The following BNC2 variants were observed in gnomAD, a reference collection of about 807,000 sequenced individuals.
The protein encoded by BNC2 is basonuclin zinc finger protein 2.
BNC2 carries 20 observed loss-of-function variants against 76.3 expected under a neutral mutation model. The observed-to-expected ratio is 0.26, with a 90% confidence interval of 0.18 to 0.38. The LOEUF (loss-of-function observed/expected upper bound fraction) is 0.38. Ranked by LOEUF, BNC2 falls within the 10% of genes least tolerant of loss-of-function variation. The pLI, the probability that BNC2 is intolerant of heterozygous loss-of-function variation, is 1.00. For synonymous variants in BNC2, 582 were observed against 514.8 expected (o/e 1.13, Z -1.77); for missense variants, 1,382 against 1,399.8 (o/e 0.99, Z 0.20).
At chr9:16,658,700 T>C (rs926493047) in intron 3 of BNC2, among the ~76,000 whole-genome samples, 2 of 152,152 alleles carry the variant, frequency 1.3e-5, no homozygotes, top group Admixed American at 1.3e-4. Context: ...ACTTGGTCTG[T>C]CTCTTAAGGA....
intron 1 of BNC2, among the ~76,000 whole-genome samples, chr9:16,772,337 GT>G (rs796744478): frequency 4.0e-5 from 6 of 151,000 alleles, no homozygotes; most frequent in South Asian, 2.1e-4. Context: ...TGTCATGAGT[GT>G]TTTTTTTTAA....
intron 1 of BNC2, among the ~76,000 whole-genome samples, chr9:16,793,356 G>A (rs971128835): frequency 6.6e-6 from 1 of 152,078 alleles, no homozygotes; most frequent in African/African-American, 2.4e-5. Flanking sequence ...AACCAAACAC[G>A]AATGTATTTA....
intron 1 of BNC2, among the ~76,000 whole-genome samples, chr9:16,845,711 A>T (rs1416961337): frequency 6.6e-6 from 1 of 152,070 alleles, no homozygotes; most frequent in African/African-American, 2.4e-5. Context: ...ACAAAGCAAG[A>T]CTCCGTCTCA....
At chr9:16,653,186 G>T (rs1417059827) in intron 3 of BNC2, among the ~76,000 whole-genome samples, 1 of 152,010 alleles carries the variant, frequency 6.6e-6, no homozygotes, top group Non-Finnish European at 1.5e-5. Flanking sequence ...TGGACAAATG[G>T]GTCTGTGTAG....
At chr9:16,571,742 T>C (rs1222604437) in intron 4 of BNC2, among the ~76,000 whole-genome samples, 1 of 152,116 alleles carries the variant, frequency 6.6e-6, no homozygotes, top group Non-Finnish European at 1.5e-5. Context: ...TTTCCTTCAG[T>C]TTTGACTGCC....
chr9:16,468,386 C>A (rs770146082), intron 5 of BNC2, among the ~76,000 whole-genome samples: 4 of 151,370 alleles, frequency 2.6e-5, no homozygotes, highest in Non-Finnish European at 5.9e-5. Flanking sequence ...TATGCAGTAT[C>A]TTTATTTTTT....
At chr9:16,623,140 G>A (rs1458936877) in intron 3 of BNC2, among the ~76,000 whole-genome samples, 1 of 152,108 alleles carries the variant, frequency 6.6e-6, no homozygotes, top group African/African-American at 2.4e-5. Context: ...GAAAGCCTTT[G>A]TTGGAATACG....
At chr9:16,844,836 G>T (rs530329817) in intron 1 of BNC2, among the ~76,000 whole-genome samples, 65 of 152,054 alleles carry the variant, frequency 4.3e-4, no homozygotes, top group Non-Finnish European at 8.8e-4. Flanking sequence ...AGTCATTTCT[G>T]GGAAAGGTAT....
intron 3 of BNC2, among the ~76,000 whole-genome samples, chr9:16,707,317 G>C (rs1011585090): frequency 1.3e-5 from 2 of 152,088 alleles, no homozygotes; most frequent in African/African-American, 4.8e-5. Flanking sequence ...AGTTACTAGA[G>C]TAAAACCCAG....
intron 5 of BNC2, among the ~76,000 whole-genome samples, chr9:16,527,385 C>G (rs946524395): frequency 2.0e-5 from 3 of 152,178 alleles, no homozygotes; most frequent in South Asian, 2.1e-4. Flanking sequence ...CCCCCAGACC[C>G]CTGTCTACCC....
At chr9:16,578,436 G>A (rs10123558) in intron 4 of BNC2, among the ~76,000 whole-genome samples, 17,341 of 151,408 alleles carry the variant, frequency 0.11, 1,180 homozygotes, top group South Asian at 0.23. Flanking sequence ...TTTTTTTCAC[G>A]AAGACAGCAA....
intron 3 of BNC2, among the ~76,000 whole-genome samples, chr9:16,601,022 G>C (rs1164750955): frequency 1.3e-5 from 2 of 152,084 alleles, no homozygotes; most frequent in East Asian, 3.9e-4. Flanking sequence ...TCTTGGAAGG[G>C]GCAAGAGGAG....
chr9:16,801,339 G>A (rs1817773286), intron 1 of BNC2, among the ~76,000 whole-genome samples: 1 of 151,740 alleles, frequency 6.6e-6, no homozygotes, highest in African/African-American at 2.4e-5. Context: ...TCTGCCCCCT[G>A]GGTTCAAGTG....
intron 6 of BNC2, among the ~76,000 whole-genome samples, chr9:16,420,513 G>T (rs569251080): frequency 6.6e-6 from 1 of 151,592 alleles, no homozygotes; most frequent in African/African-American, 2.4e-5. Flanking sequence ...CTGAACAACA[G>T]AAAGAAAACT....
intron 3 of BNC2, among the ~76,000 whole-genome samples, chr9:16,639,859 C>A (rs1821439405): frequency 6.6e-6 from 1 of 151,978 alleles, no homozygotes. Flanking sequence ...GAGTTCAAGG[C>A]TTCAGTGAGC....
chr9:16,795,383 CTTT>C (rs34156905), intron 1 of BNC2, among the ~76,000 whole-genome samples: 15 of 142,672 alleles, frequency 1.1e-4, no homozygotes, highest in Non-Finnish European at 1.2e-4. Context: ...CTAATTCTGG[CTTT>C]TTTTTTTTTT....
chr9:16,764,544 G>A (rs1166920244), intron 1 of BNC2, among the ~76,000 whole-genome samples: 1 of 152,072 alleles, frequency 6.6e-6, no homozygotes, highest in Non-Finnish European at 1.5e-5. Flanking sequence ...AATTGTATTG[G>A]TTAATAATCA....
At chr9:16,852,892 C>T (rs578148940) in intron 1 of BNC2, among the ~76,000 whole-genome samples, 57 of 152,256 alleles carry the variant, frequency 3.7e-4, no homozygotes, top group African/African-American at 1.3e-3. Context: ...TGTGGAAAAT[C>T]AGCAAGGCTG....
At chr9:16,797,762 C>T (rs1170427636) in intron 1 of BNC2, among the ~76,000 whole-genome samples, 1 of 152,002 alleles carries the variant, frequency 6.6e-6, no homozygotes, top group East Asian at 1.9e-4. Context: ...AGTCACATAT[C>T]CCCACCAAAA....
Sources: allele counts gnomAD v4.1 joint callset (sites outside exome capture counted in the v4.1 genomes callset), GRCh38; gene constraint gnomAD v4.1.1; transcripts MANE v1.5; gene names NCBI Gene and HGNC (gene_info 2026-07-23, HGNC 2026-07-21).